Variants in NEBL observed in about 807,000 individuals in gnomAD.
NEBL encodes nebulette.
In NEBL, 122 loss-of-function variants were observed where a neutral mutation model predicts 140.2. That is an observed-to-expected ratio of 0.87 (90% confidence interval 0.75 to 1.01). The LOEUF (loss-of-function observed/expected upper bound fraction) is 1.01, where lower values mean the gene tolerates loss of function less well. NEBL is among the 50% of genes least tolerant of loss of function. The pLI is 0.00. For missense variants in NEBL, 1,365 were observed against 1,231.3 expected, an observed-to-expected ratio of 1.11 and a Z score of -1.62; for synonymous variants, 436 against 398.9, an observed-to-expected ratio of 1.09 and a Z score of -1.11.
In NEBL at chr10:21,062,491, T is replaced by C. The variant is rs189006812; in HGVS notation, c.165-42290A>G. ...GCCTGGGCAACATAGAGAAACCCTGTCTCTACAAAAAAAATTAAAAAATAA... is the reference window on the plus strand; with the variant it reads ...GCCTGGGCAACATAGAGAAACCCTGCCTCTACAAAAAAAATTAAAAAATAA... On this transcript the variant is annotated intron_variant, in intron 2 of 6. Transcript: ENST00000417816. Among the ~76,000 whole-genome samples the C allele has an allele frequency of 2.1e-3, 323 of 151,330 alleles. 1 individual carries two copies. The highest frequency in any genetic ancestry group is 3.2e-3 in the Non-Finnish European group (219 of 67,834).
At chr10:20,819,091 G>A (rs1014190906) in intron 20 of NEBL, 24 of 995,256 alleles carry the variant, frequency 2.4e-5, no homozygotes, top group Admixed American at 9.4e-5. Flanking sequence ...TAAGTTCAGC[G>A]GTACATGTGC....
At chr10:21,202,577 C>T (rs1841757246) in intron 3 of NEBL, among the ~76,000 whole-genome samples, 1 of 150,584 alleles carries the variant, frequency 6.6e-6, no homozygotes, top group African/African-American at 2.5e-5. Context: ...ATTCTCCTGC[C>T]TCAGCCTCCC....
intron 2 of NEBL, among the ~76,000 whole-genome samples, chr10:21,022,800 GATA>G (rs1838850821): frequency 6.6e-6 from 1 of 152,208 alleles, no homozygotes; most frequent in Admixed American, 6.5e-5. Context: ...ACTGTCAAGA[GATA>G]ATTTCTCACA....
At chr10:21,101,386 C>T (rs1007094353) in intron 2 of NEBL, among the ~76,000 whole-genome samples, 3 of 152,264 alleles carry the variant, frequency 2.0e-5, no homozygotes, top group Admixed American at 6.5e-5. Context: ...AAACAATCCA[C>T]GCAGAAGTGA....
chr10:20,840,614 G>A, intron 13 of NEBL, 125 bp downstream of exon 13: 1 of 712,680 alleles, frequency 1.4e-6, no homozygotes, highest in Non-Finnish European at 2.5e-6. Context: ...AGACTACAAG[G>A]ATATAGCTGT....
intron 2 of NEBL, among the ~76,000 whole-genome samples, chr10:21,162,997 T>C (rs73609210): frequency 0.033 from 4,997 of 152,320 alleles, 294 homozygotes; most frequent in African/African-American, 0.11. Context: ...AAGCTCATTA[T>C]TAGATTGGAT....
chr10:21,052,291 G>C (rs972035768), intron 2 of NEBL, among the ~76,000 whole-genome samples: 2 of 152,170 alleles, frequency 1.3e-5, no homozygotes, highest in African/African-American at 4.8e-5. Context: ...GAGAGCAAAC[G>C]ACCTCAAAAT....
intron 3 of NEBL, among the ~76,000 whole-genome samples, chr10:21,244,558 AG>A (rs1842491460): frequency 1.3e-5 from 2 of 151,844 alleles, no homozygotes; most frequent in South Asian, 4.2e-4. Flanking sequence ...AGGCTGAGAC[AG>A]GAGAATCGCT....
At chr10:21,016,865 T>G (rs572624856) in intron 3 of NEBL, among the ~76,000 whole-genome samples, 4 of 152,200 alleles carry the variant, frequency 2.6e-5, no homozygotes, top group African/African-American at 9.7e-5. Context: ...CCCACGTTTT[T>G]GCAAAAATGG....
At chr10:20,952,226 C>T (rs1346511290) in intron 4 of NEBL, among the ~76,000 whole-genome samples, 2 of 152,088 alleles carry the variant, frequency 1.3e-5, no homozygotes, top group African/African-American at 4.8e-5. Context: ...CACCTGAAGT[C>T]AGGAGTTTGA....
rs1447471483 is a variant in NEBL at position 21,029,383 on chromosome 10, G to A, written c.165-9182C>T. On this transcript the variant is annotated intron_variant, in intron 2 of 6. Coordinates refer to the NEBL transcript ENST00000417816. The stretch of plus-strand genomic sequence containing the variant: ...TATCAGTGCAGTGCGTTTACCACGT[G>A]AACCCAGCAATCCAGAGAGGTTGAA... 4.4e-5 allele frequency: 71 copies of A among 1,611,476 alleles called. No homozygotes were observed. In the Admixed American group the frequency reaches 7.8e-4, roughly 18 times the overall value.
intron 3 of NEBL, among the ~76,000 whole-genome samples, chr10:21,006,360 A>AG (rs1386945547): frequency 2.0e-5 from 3 of 152,150 alleles, no homozygotes; most frequent in Non-Finnish European, 4.4e-5. Context: ...ACTTGTTGCT[A>AG]GATTGCTTTT....
intron 19 of NEBL, among the ~76,000 whole-genome samples, chr10:20,822,658 T>C (rs1448996577): frequency 1.1e-5 from 1 of 89,776 alleles, no homozygotes; most frequent in Non-Finnish European, 2.8e-5. Context: ...AGGCTATATA[T>C]AGATATATAG....
upstream of NEBL, chr10:20,897,602 G>A (rs1278845110): frequency 2.1e-6 from 2 of 954,804 alleles, no homozygotes; most frequent in African/African-American, 3.6e-5. Flanking sequence ...TAACACTCAA[G>A]ATAGCACAGT....
chr10:21,198,741 TC>T (rs1200456312), intron 3 of NEBL, among the ~76,000 whole-genome samples: 2 of 152,004 alleles, frequency 1.3e-5, no homozygotes, highest in African/African-American at 4.8e-5. Flanking sequence ...CCAGCTACTT[TC>T]CCCATGCAGA....
At chr10:21,039,674 C>T (rs1834179970) in intron 2 of NEBL, among the ~76,000 whole-genome samples, 1 of 152,198 alleles carries the variant, frequency 6.6e-6, no homozygotes. Context: ...GTAAGAGATG[C>T]ATCTCACCTC....
At chr10:20,980,949 AT>A (rs1837015357) in intron 3 of NEBL, among the ~76,000 whole-genome samples, 1 of 152,112 alleles carries the variant, frequency 6.6e-6, no homozygotes, top group African/African-American at 2.4e-5. Context: ...CTCATCTAAC[AT>A]TTTTTATTCC....
intron 3 of NEBL, among the ~76,000 whole-genome samples, chr10:20,984,704 C>G (rs1589108612): frequency 6.6e-6 from 1 of 151,988 alleles, no homozygotes; most frequent in African/African-American, 2.4e-5. Flanking sequence ...CAGCCTTGGT[C>G]TTATGCTGTA....
intron 2 of NEBL, among the ~76,000 whole-genome samples, chr10:21,152,199 C>T (rs1448649282): frequency 6.6e-6 from 1 of 152,198 alleles, no homozygotes; most frequent in Admixed American, 6.5e-5. Flanking sequence ...CAACACAGCC[C>T]AATCCATGAT....
Sources: gnomAD v4.1 joint callset for allele counts (sites outside exome capture counted in the v4.1 genomes callset) on GRCh38, gnomAD v4.1.1 for gene constraint, MANE v1.5 for transcripts, NCBI Gene and HGNC (gene_info 2026-07-23, HGNC 2026-07-21) for gene names.